AFF3: variants seen among roughly 807,000 people sequenced by gnomAD.
AFF3 encodes the protein AF4/FMR2 family member 3.
In AFF3, 32 loss-of-function variants were observed where a neutral mutation model predicts 129.7. The observed-to-expected ratio is 0.25, with a 90% CI of 0.19 to 0.33. The LOEUF (loss-of-function observed/expected upper bound fraction) is 0.33, where lower values mean the gene tolerates loss of function less well. AFF3 is among the 10% of genes least tolerant of loss of function. The probability of loss-of-function intolerance (pLI) is 1.00; values close to 1 mark genes in which losing one functional copy is unlikely to be tolerated. For missense variants in AFF3, 1,373 were observed against 1,592.0 expected, an observed-to-expected ratio of 0.86 and a Z score of 2.34; for synonymous variants, 644 against 635.4, an observed-to-expected ratio of 1.01 and a Z score of -0.20.
At chr2:99,619,123 C>T (rs1382532329) in intron 13 of AFF3, among the ~76,000 whole-genome samples, 1 of 152,182 alleles carries the variant, frequency 6.6e-6, no homozygotes, top group Admixed American at 6.5e-5. Flanking sequence ...ATGGCAGTGC[C>T]CAGATCTTAG....
chr2:99,625,834 A>G (rs1354651062), intron 13 of AFF3, among the ~76,000 whole-genome samples: 2 of 152,230 alleles, frequency 1.3e-5, no homozygotes, highest in Non-Finnish European at 2.9e-5. Context: ...ATTTCTCTTT[A>G]GAGCTTTTGA....
At chr2:99,582,253 C>T (rs1454369423) in intron 17 of AFF3, among the ~76,000 whole-genome samples, 1 of 152,170 alleles carries the variant, frequency 6.6e-6, no homozygotes, top group East Asian at 1.9e-4. Flanking sequence ...CCCAAGATCA[C>T]ACTGCAGCTA....
intron 1 of AFF3, among the ~76,000 whole-genome samples, chr2:100,133,249 G>A (rs1692498693): frequency 6.6e-6 from 1 of 151,846 alleles, no homozygotes; most frequent in Non-Finnish European, 1.5e-5. Flanking sequence ...GGGTGACAGA[G>A]CCAGACCCTG....
At chr2:99,698,923 A>G (rs1676567658) in intron 11 of AFF3, among the ~76,000 whole-genome samples, 4 of 152,242 alleles carry the variant, frequency 2.6e-5, no homozygotes, top group African/African-American at 9.6e-5. Flanking sequence ...TTACATTTAA[A>G]TAGAAGAAAA....
At chr2:100,120,333 G>T (rs1460300248) in intron 2 of AFF3, among the ~76,000 whole-genome samples, 1 of 152,128 alleles carries the variant, frequency 6.6e-6, no homozygotes, top group Non-Finnish European at 1.5e-5. Context: ...GCTTCCCACA[G>T]AAATCATTGC....
Position 99,752,280 on chromosome 2 carries a change from G to T in AFF3, c.943C>A (p.Leu315Ile), listed in dbSNP as rs368200767. ...TTGCCAGGTGCTTGAATAGCAGAAAGTGGTGGAAGCCAGGTCATCTCCTGA... is the reference window on the plus strand; with the variant it reads ...TTGCCAGGTGCTTGAATAGCAGAAATTGGTGGAAGCCAGGTCATCTCCTGA... The part of the protein sequence containing the change: ...IIREMTWLPP[L>I]SAIQAPGKVE... The change falls in exon 9 of 25, where the codon CTT (leucine) becomes ATT (isoleucine). Residue 315 changes from leucine to isoleucine, a missense_variant. Physicochemically the swap from Leu to Ile is conservative, Grantham distance 5 (BLOSUM62 2). Around this residue, in one of 9 missense-constraint regions of AFF3, gnomAD observed 413 missense variants for 424.4 expected, o/e 0.97. Coordinates refer to ENST00000672756, the MANE Select transcript of AFF3 (RefSeq NM_001386135.1). 76 of 1,613,860 alleles carry T rather than the reference G, an allele frequency of 4.7e-5. No individual in the cohort carries two copies. The highest frequency in any genetic ancestry group is 1.2e-4 in the African/African-American group (9 of 74,892).
At chr2:99,843,661 C>A (rs1055875952) in intron 7 of AFF3, among the ~76,000 whole-genome samples, 1 of 152,140 alleles carries the variant, frequency 6.6e-6, no homozygotes, top group Non-Finnish European at 1.5e-5. Flanking sequence ...TATCAGCTTA[C>A]AGAGTGTTTA....
intron 11 of AFF3, among the ~76,000 whole-genome samples, chr2:99,720,129 T>C (rs1036044059): frequency 6.6e-6 from 1 of 152,188 alleles, no homozygotes; most frequent in African/African-American, 2.4e-5. Context: ...CTGACAATCT[T>C]TTCCTTTTAA....
rs183673529 is a variant in AFF3 at position 99,916,339 on chromosome 2, G to A, written c.874-78815C>T. ...TGGTTTTTGCACAGCATTTACTACT[G>A]TCTAAAAGTCTATCACTTATTTACA... On this transcript the variant is annotated intron_variant, in intron 7 of 24. Coordinates refer to ENST00000672756, the MANE Select transcript of AFF3 (RefSeq NM_001386135.1). Among the ~76,000 whole-genome samples the A allele has an allele frequency of 1.3e-3, 199 of 152,212 alleles. 1 individual carries two copies. The highest frequency in any genetic ancestry group is 2.3e-3 in the Non-Finnish European group (155 of 68,020).
At chr2:99,922,989 T>C (rs1695958814) in intron 7 of AFF3, among the ~76,000 whole-genome samples, 1 of 152,214 alleles carries the variant, frequency 6.6e-6, no homozygotes, top group Admixed American at 6.5e-5. Context: ...CATTCGTTCC[T>C]AGTGCAGCAC....
At chr2:99,568,964 T>C (rs780425672) in intron 18 of AFF3, 49 bp from the exon 19 acceptor site, 1 of 1,528,226 alleles carries the variant, frequency 6.5e-7, no homozygotes, top group South Asian at 1.1e-5. Context: ...AAGTGCAACG[T>C]CTTTTTAAAA....
At chr2:99,637,712 A>G (rs982826010) in intron 13 of AFF3, among the ~76,000 whole-genome samples, 3 of 152,254 alleles carry the variant, frequency 2.0e-5, no homozygotes, top group East Asian at 1.9e-4. Flanking sequence ...ATATTTTAAA[A>G]AAAGAAGTAG....
At chr2:100,041,923 A>G (rs766210518) in intron 4 of AFF3, among the ~76,000 whole-genome samples, 1 of 152,194 alleles carries the variant, frequency 6.6e-6, no homozygotes, top group Non-Finnish European at 1.5e-5. Context: ...ATAAACCTGC[A>G]GCATTAATAA....
At chr2:99,856,653 C>T (rs1011789283) in intron 7 of AFF3, among the ~76,000 whole-genome samples, 7 of 152,216 alleles carry the variant, frequency 4.6e-5, no homozygotes, top group Non-Finnish European at 8.8e-5. Flanking sequence ...AGATAAATTA[C>T]GTTTTAAGTT....
chr2:99,953,211 G>A (rs1203921384), intron 7 of AFF3, among the ~76,000 whole-genome samples: 1 of 152,166 alleles, frequency 6.6e-6, no homozygotes, highest in African/African-American at 2.4e-5. Context: ...GGGGATGGGG[G>A]ACTGGGACGG....
At chr2:99,765,089 G>A (rs1033476792) in intron 8 of AFF3, among the ~76,000 whole-genome samples, 1 of 152,106 alleles carries the variant, frequency 6.6e-6, no homozygotes, top group African/African-American at 2.4e-5. Context: ...GAAAATGCAC[G>A]TTACTAACTA....
chr2:99,590,548 G>A (rs763524691), intron 15 of AFF3, among the ~76,000 whole-genome samples: 5 of 152,200 alleles, frequency 3.3e-5, no homozygotes, highest in Non-Finnish European at 5.9e-5. Context: ...GTAAAGACAG[G>A]ATTTGAAGTC....
intron 7 of AFF3, among the ~76,000 whole-genome samples, chr2:99,853,511 T>C (rs1690296120): frequency 6.6e-6 from 1 of 152,250 alleles, no homozygotes; most frequent in South Asian, 2.1e-4. Context: ...TCCATCCTGA[T>C]CTCACTGTCT....
At chr2:99,794,389 G>A (rs1471391689) in intron 8 of AFF3, among the ~76,000 whole-genome samples, 2 of 152,138 alleles carry the variant, frequency 1.3e-5, no homozygotes, top group African/African-American at 4.8e-5. Flanking sequence ...AGATACTTTA[G>A]CTGTATTACT....
Sources: gnomAD v4.1 joint callset for allele counts (sites outside exome capture counted in the v4.1 genomes callset) on GRCh38, gnomAD v4.1.1 for gene constraint, gnomAD v4.1.1 regional missense constraint, MANE v1.5 for transcripts, NCBI Gene and HGNC (gene_info 2026-07-23, HGNC 2026-07-21) for gene names.